Variants in CRPPA observed in about 807,000 individuals in gnomAD.
CRPPA encodes the protein CDP-L-ribitol pyrophosphorylase A.
A neutral mutation model predicts 52.0 loss-of-function variants in CRPPA; 43 were observed. The observed-to-expected ratio is 0.83, with a 90% CI of 0.65 to 1.07. The LOEUF is 1.07. Among genes scored for constraint, CRPPA ranks in the 50% least tolerant of loss-of-function variants. The pLI is 0.00. For synonymous variants in CRPPA, 250 were observed against 203.5 expected (o/e 1.23, Z -1.94); for missense variants, 629 against 551.7 (o/e 1.14, Z -1.40).
chr7:16,285,705 A>T (rs1279648245), intron 5 of CRPPA, among the ~76,000 whole-genome samples: 1 of 151,960 alleles, frequency 6.6e-6, no homozygotes, highest in Non-Finnish European at 1.5e-5. Context: ...TCTAAATGGT[A>T]AAGGTATGTA....
At position 16,107,687 on chromosome 7, in the gene CRPPA, T is replaced by C. The variant is rs574389660; in HGVS notation, c.1252-15888A>G. 2.6e-5 allele frequency among the ~76,000 whole-genome samples: 4 copies of C among 152,086 alleles called. No individual in the cohort carries two copies. The South Asian group carries it at 8.3e-4, about 32-fold the overall frequency. On this transcript the variant is annotated intron_variant, in intron 9 of 9. Coordinates refer to ENST00000407010, the MANE Select transcript of CRPPA (RefSeq NM_001101426.4). ...ACTATAAAAAAGCAAAAAAAATCAA[T>C]TGTATAAGTAAAACAGTCATATTCA...
intron 9 of CRPPA, among the ~76,000 whole-genome samples, chr7:16,159,731 G>C (rs1783262890): frequency 6.6e-6 from 1 of 152,220 alleles, no homozygotes; most frequent in Non-Finnish European, 1.5e-5. Flanking sequence ...CACAGTAATG[G>C]GATTGCTGGG....
chr7:16,345,581 G>A (rs566659598), intron 3 of CRPPA, among the ~76,000 whole-genome samples: 16 of 152,182 alleles, frequency 1.1e-4, no homozygotes, highest in Non-Finnish European at 1.6e-4. Context: ...TGACAACACA[G>A]CACACAGGAA....
At chr7:16,122,036 C>G (rs954150426) in intron 9 of CRPPA, among the ~76,000 whole-genome samples, 12 of 152,050 alleles carry the variant, frequency 7.9e-5, no homozygotes, top group Non-Finnish European at 1.8e-4. Flanking sequence ...AAATAAGCAG[C>G]ACATTACAAA....
chr7:16,336,843 G>T (rs1186651546), intron 3 of CRPPA, among the ~76,000 whole-genome samples: 3 of 152,002 alleles, frequency 2.0e-5, no homozygotes, highest in African/African-American at 7.2e-5. Flanking sequence ...TAGCAGGGTA[G>T]CTATACCTAT....
At chr7:16,159,337 A>G (rs1280045117) in intron 9 of CRPPA, among the ~76,000 whole-genome samples, 1 of 152,136 alleles carries the variant, frequency 6.6e-6, no homozygotes, top group African/African-American at 2.4e-5. Flanking sequence ...ACTGAGATTA[A>G]GGAACGCTTG....
chr7:16,392,447 A>G (rs1312900935), intron 2 of CRPPA, among the ~76,000 whole-genome samples: 1 of 152,146 alleles, frequency 6.6e-6, no homozygotes, highest in South Asian at 2.1e-4. Context: ...CATATGATAG[A>G]CTTATATTAT....
At chr7:16,397,406 G>A (rs567791573) in intron 2 of CRPPA, among the ~76,000 whole-genome samples, 14 of 152,288 alleles carry the variant, frequency 9.2e-5, no homozygotes, top group East Asian at 5.8e-4. Flanking sequence ...CAACTGACAC[G>A]TAATGGACAC....
intron 3 of CRPPA, among the ~76,000 whole-genome samples, chr7:16,363,569 T>G (rs551473843): frequency 1.3e-5 from 2 of 152,212 alleles, no homozygotes; most frequent in Non-Finnish European, 2.9e-5. Context: ...AAATAAGCCT[T>G]TTTAGAGAAG....
chr7:16,254,903 C>T (rs1490413394), intron 8 of CRPPA, among the ~76,000 whole-genome samples: 1 of 152,040 alleles, frequency 6.6e-6, no homozygotes, highest in African/African-American at 2.4e-5. Flanking sequence ...CCCCCTCTCA[C>T]CACTCCTATT....
intron 2 of CRPPA, among the ~76,000 whole-genome samples, chr7:16,379,516 A>G (rs540134332): frequency 3.4e-4 from 52 of 152,252 alleles, no homozygotes; most frequent in African/African-American, 1.1e-3. Context: ...GTTTTTTCCA[A>G]TTCTATGAAG....
chr7:16,388,615 C>T (rs944746693), intron 2 of CRPPA, among the ~76,000 whole-genome samples: 2 of 152,206 alleles, frequency 1.3e-5, no homozygotes, highest in African/African-American at 4.8e-5. Context: ...TGGCTCATGC[C>T]TGTAATCCCA....
intron 3 of CRPPA, among the ~76,000 whole-genome samples, chr7:16,324,130 T>C (rs555502770): frequency 9.2e-5 from 14 of 152,300 alleles, no homozygotes; most frequent in Admixed American, 3.3e-4. Flanking sequence ...ATGGATAGGA[T>C]ACATGCTGAA....
chr7:16,137,523 T>C (rs987517096), intron 9 of CRPPA, among the ~76,000 whole-genome samples: 2 of 152,180 alleles, frequency 1.3e-5, no homozygotes, highest in Admixed American at 1.3e-4. Context: ...TTAAAAATGA[T>C]AATAGCAACA....
chr7:16,373,293 T>C (rs953626401), intron 3 of CRPPA, among the ~76,000 whole-genome samples: 2 of 151,460 alleles, frequency 1.3e-5, no homozygotes, highest in African/African-American at 2.4e-5. Flanking sequence ...CGAAACTCCA[T>C]CTCAGAAAAA....
chr7:16,174,325 G>A (rs374000741), intron 9 of CRPPA, among the ~76,000 whole-genome samples: 22 of 152,160 alleles, frequency 1.4e-4, no homozygotes, highest in South Asian at 1.0e-3. Context: ...AAATCTTTTC[G>A]GTAAGAGGTA....
chr7:16,191,595 C>T (rs1781611793), intron 9 of CRPPA, among the ~76,000 whole-genome samples: 1 of 152,120 alleles, frequency 6.6e-6, no homozygotes, highest in Admixed American at 6.6e-5. Flanking sequence ...GCGCTTGATA[C>T]TTATTTGCTA....
chr7:16,113,451 TTCA>T (rs1782307485), intron 9 of CRPPA, among the ~76,000 whole-genome samples: 1 of 151,606 alleles, frequency 6.6e-6, no homozygotes, highest in African/African-American at 2.4e-5. Context: ...AGAACAAAAA[TTCA>T]TCAAGGAAAC....
chr7:16,331,232 C>T (rs1785545756), intron 3 of CRPPA, among the ~76,000 whole-genome samples: 1 of 152,126 alleles, frequency 6.6e-6, no homozygotes, highest in Non-Finnish European at 1.5e-5. Flanking sequence ...ATCTCCTGAC[C>T]TCGTGATCCG....
Sources: allele counts gnomAD v4.1 joint callset (sites outside exome capture counted in the v4.1 genomes callset), GRCh38; gene constraint gnomAD v4.1.1; transcripts MANE v1.5; gene names NCBI Gene and HGNC (gene_info 2026-07-23, HGNC 2026-07-21).